EXOC4: variants seen among roughly 807,000 people sequenced by gnomAD.
The protein encoded by EXOC4 is SEC8-like 1.
A neutral mutation model predicts 107.2 loss-of-function variants in EXOC4; 71 were observed. The ratio of observed to expected loss-of-function variants is 0.66; its 90% confidence interval spans 0.55 to 0.81. The LOEUF (loss-of-function observed/expected upper bound fraction) is 0.81, where lower values mean the gene tolerates loss of function less well. Ranked by LOEUF, EXOC4 falls within the 30% of genes least tolerant of loss-of-function variation. The pLI, the probability that EXOC4 is intolerant of heterozygous loss-of-function variation, is 0.00. For missense variants in EXOC4, 1,108 were observed against 1,189.6 expected (o/e 0.93, Z 1.01); for synonymous variants, 456 against 441.2 (o/e 1.03, Z -0.42).
intron 11 of EXOC4, among the ~76,000 whole-genome samples, chr7:133,878,032 G>T (rs1163579485): frequency 1.3e-5 from 2 of 151,980 alleles, no homozygotes; most frequent in Non-Finnish European, 2.9e-5. Flanking sequence ...ATTTTGTCTG[G>T]TTTTCTAATT....
downstream of EXOC4, among the ~76,000 whole-genome samples, chr7:134,067,197 A>G (rs1338286222): frequency 6.6e-6 from 1 of 150,768 alleles, no homozygotes; most frequent in Admixed American, 6.6e-5. Flanking sequence ...ACGCCTTACC[A>G]GAAGGGGTGC....
chr7:134,016,958 C>T (rs1794924377), intron 17 of EXOC4, among the ~76,000 whole-genome samples: 1 of 152,150 alleles, frequency 6.6e-6, no homozygotes, highest in African/African-American at 2.4e-5. Flanking sequence ...TGGGTATTGC[C>T]CCTGAAGCGG....
intron 17 of EXOC4, among the ~76,000 whole-genome samples, chr7:134,017,619 G>A (rs189356657): frequency 6.1e-4 from 93 of 151,830 alleles, no homozygotes; most frequent in Non-Finnish European, 1.5e-4. Flanking sequence ...ATTAGGTCCC[G>A]TGCATTGTAA....
intron 6 of EXOC4, among the ~76,000 whole-genome samples, chr7:133,361,788 A>G (rs1190619928): frequency 6.6e-6 from 1 of 152,182 alleles, no homozygotes; most frequent in Non-Finnish European, 1.5e-5. Context: ...TTATATATGG[A>G]TGTATTACTT....
intron 10 of EXOC4, among the ~76,000 whole-genome samples, chr7:133,658,684 AGGATGTGTGG>A (rs1803360210): frequency 6.6e-6 from 1 of 152,196 alleles, no homozygotes; most frequent in South Asian, 2.1e-4. Flanking sequence ...CCGACAGGAA[AGGATGTGTGG>A]GGTGGATGTG....
intron 10 of EXOC4, among the ~76,000 whole-genome samples, chr7:133,700,966 C>T (rs1794643781): frequency 6.6e-6 from 1 of 151,776 alleles, no homozygotes; most frequent in Non-Finnish European, 1.5e-5. Context: ...CATAGCAAGA[C>T]CCTGTCTGTA....
intron 6 of EXOC4, among the ~76,000 whole-genome samples, chr7:133,374,403 C>T (rs1169458220): frequency 1.3e-5 from 2 of 151,934 alleles, no homozygotes; most frequent in African/African-American, 4.8e-5. Context: ...ATCAAAGTGC[C>T]TAATTTATTG....
chr7:133,344,710 C>T (rs1204271750), intron 5 of EXOC4, among the ~76,000 whole-genome samples: 1 of 152,178 alleles, frequency 6.6e-6, no homozygotes. Context: ...CTATAGTCAG[C>T]TCTGTGATCT....
At chr7:133,385,197 C>A (rs958637807) in intron 7 of EXOC4, among the ~76,000 whole-genome samples, 1 of 152,266 alleles carries the variant, frequency 6.6e-6, no homozygotes, top group Non-Finnish European at 1.5e-5. Flanking sequence ...CTTGGTATCA[C>A]GTCTACTGTG....
chr7:133,883,892 C>G (rs1289008917), intron 11 of EXOC4, among the ~76,000 whole-genome samples: 1 of 152,162 alleles, frequency 6.6e-6, no homozygotes, highest in Non-Finnish European at 1.5e-5. Context: ...AAACATCACA[C>G]AAATCAAAGC....
intron 7 of EXOC4, among the ~76,000 whole-genome samples, chr7:133,429,943 C>T (rs895456372): frequency 3.7e-4 from 57 of 152,176 alleles, no homozygotes; most frequent in African/African-American, 9.4e-4. Flanking sequence ...CTGGGACAAA[C>T]GCTTTTGGGC....
chr7:133,567,181 T>C (rs1215650489), intron 9 of EXOC4, among the ~76,000 whole-genome samples: 1 of 152,156 alleles, frequency 6.6e-6, no homozygotes, highest in African/African-American at 2.4e-5. Flanking sequence ...CCCTGTTACC[T>C]TTCCCACAGG....
chr7:133,652,507 A>G (rs566229671), intron 10 of EXOC4, among the ~76,000 whole-genome samples: 36 of 152,268 alleles, frequency 2.4e-4, no homozygotes, highest in South Asian at 1.5e-3. Flanking sequence ...GAAGGAGTAA[A>G]GAGTGGAGTT....
At chr7:133,550,328 C>T (rs182033157) in intron 9 of EXOC4, among the ~76,000 whole-genome samples, 9 of 152,254 alleles carry the variant, frequency 5.9e-5, no homozygotes, top group Middle Eastern at 6.8e-3. Context: ...CTCTTTCATA[C>T]CCGAATGTAC....
chr7:133,570,039 C>T (rs967911101), intron 9 of EXOC4, among the ~76,000 whole-genome samples: 3 of 152,032 alleles, frequency 2.0e-5, no homozygotes, highest in East Asian at 1.9e-4. Context: ...TCAGTGCTGC[C>T]GAAATTGAAT....
intron 4 of EXOC4, among the ~76,000 whole-genome samples, chr7:133,311,468 G>A (rs932420808): frequency 6.6e-6 from 1 of 152,082 alleles, no homozygotes; most frequent in African/African-American, 2.4e-5. Context: ...TTAATATATA[G>A]TGTTCAGACA....
intron 14 of EXOC4, among the ~76,000 whole-genome samples, chr7:133,967,918 T>C (rs940436102): frequency 1.3e-5 from 2 of 152,184 alleles, no homozygotes; most frequent in African/African-American, 4.8e-5. Context: ...TGTCTGATAC[T>C]GATAGTGGGG....
At chr7:133,349,032 A>G (rs1045825612) in intron 5 of EXOC4, among the ~76,000 whole-genome samples, 4 of 152,176 alleles carry the variant, frequency 2.6e-5, no homozygotes, top group African/African-American at 7.2e-5. Context: ...TAAGATTTGC[A>G]TCATGGATAA....
the EXOC4 span, among the ~76,000 whole-genome samples, chr7:134,091,224 A>G: frequency 4.6e-5 from 7 of 152,198 alleles, no homozygotes; most frequent in African/African-American, 1.7e-4. Flanking sequence ...TACTCCATAG[A>G]CAGAGCAGCC....
Sources: allele counts gnomAD v4.1 joint callset (sites outside exome capture counted in the v4.1 genomes callset), GRCh38; gene constraint gnomAD v4.1.1; transcripts MANE v1.5; gene names NCBI Gene and HGNC (gene_info 2026-07-23, HGNC 2026-07-21).